INO80: variants seen among roughly 807,000 people sequenced by gnomAD.
The protein encoded by INO80 is chromatin-remodeling ATPase INO80.
A neutral mutation model predicts 203.4 loss-of-function variants in INO80; 20 were observed. That is an observed-to-expected ratio of 0.10 (90% confidence interval 0.07 to 0.14). The LOEUF is 0.14. Among genes scored for constraint, INO80 ranks in the 10% least tolerant of loss-of-function variants. INO80 has a pLI of 1.00. For synonymous variants in INO80, 726 were observed against 685.2 expected (o/e 1.06, Z -0.93); for missense variants, 1,419 against 1,914.4 (o/e 0.74, Z 4.83).
At chr15:41,115,176 C>G (rs563393804) in intron 1 of INO80, among the ~76,000 whole-genome samples, 2 of 152,298 alleles carry the variant, frequency 1.3e-5, no homozygotes, top group East Asian at 1.9e-4. Flanking sequence ...TCCCCCATTT[C>G]TAACAAGTAC....
At chr15:41,027,861 C>T in intron 24 of INO80, 125 bp from the exon 25 acceptor site, 6 of 636,210 alleles carry the variant, frequency 9.4e-6, no homozygotes, top group Non-Finnish European at 1.6e-5. Context: ...ACTATTAATT[C>T]TAATAAACAA....
chr15:41,037,138 AGATT>A, intron 24 of INO80, among the ~76,000 whole-genome samples: 1 of 120,666 alleles, frequency 8.3e-6, no homozygotes, highest in Middle Eastern at 3.8e-3. Context: ...AACTAAAAAT[AGATT>A]GATTTCTCAC....
Position 41,081,090 on chromosome 15 carries a change from A to G in INO80, c.874-17T>C. The stretch of plus-strand genomic sequence containing the variant: ...CTTATTTGCCTAAAATATTTAAAAA[A>G]CAATATTTCATTTAGGATTCATTTT... On this transcript the variant is annotated splice_polypyrimidine_tract_variant and intron_variant, in intron 7 of 35. Coordinates refer to ENST00000648947, the MANE Select transcript of INO80 (RefSeq NM_017553.3). 6.6e-7 allele frequency: 1 copy of G among 1,504,688 alleles called. No individual in the cohort carries two copies. Among genetic ancestry groups the G allele is most frequent in the East Asian group, 2.3e-5 (1 of 44,318 alleles). The allele number at this position is 1,504,688 out of a possible 1,614,324, so 93.2% of individuals were successfully genotyped here. A position where few individuals can be genotyped will look rare whatever the true frequency, so the allele number is the denominator to read the frequency against.
intron 14 of INO80, among the ~76,000 whole-genome samples, chr15:41,060,750 T>A (rs910910294): frequency 6.6e-5 from 10 of 152,108 alleles, no homozygotes; most frequent in African/African-American, 2.4e-4. Flanking sequence ...TCAAGACATC[T>A]GAATTCCAGA....
At chr15:41,066,388 C>T (rs1049313939) in intron 14 of INO80, among the ~76,000 whole-genome samples, 3 of 152,000 alleles carry the variant, frequency 2.0e-5, no homozygotes, top group African/African-American at 7.3e-5. Context: ...AACTTCTGGA[C>T]TCAAGTGATC....
intron 25 of INO80, among the ~76,000 whole-genome samples, chr15:41,023,558 C>T (rs991698994): frequency 6.6e-6 from 1 of 151,914 alleles, no homozygotes; most frequent in African/African-American, 2.4e-5. Context: ...CACCTGAGGT[C>T]AGGAGTTCGA....
chr15:41,069,778 CAGTG>C, intron 13 of INO80, 113 bp from the exon 14 acceptor site: 2 of 634,108 alleles, frequency 3.2e-6, no homozygotes, highest in Non-Finnish European at 5.4e-6. Flanking sequence ...ACAAGAGAAA[CAGTG>C]AGTAAATCCC....
intron 22 of INO80, 50 bp downstream of exon 22, chr15:41,048,162 T>C (rs1177532141): frequency 7.1e-7 from 1 of 1,399,028 alleles, no homozygotes; most frequent in African/African-American, 1.4e-5. Context: ...ACAAAGAGCA[T>C]CCTGGTAAAA....
At chr15:41,067,358 G>A (rs2045239190) in intron 14 of INO80, among the ~76,000 whole-genome samples, 1 of 151,938 alleles carries the variant, frequency 6.6e-6, no homozygotes, top group African/African-American at 2.4e-5. Flanking sequence ...ACAGGCATGA[G>A]CCACCATGCC....
intron 28 of INO80, among the ~76,000 whole-genome samples, chr15:41,003,334 CTTTTT>C (rs71104761): frequency 1.0e-4 from 13 of 126,024 alleles, no homozygotes; most frequent in Non-Finnish European, 1.7e-4. Context: ...CTTTTCTTTT[CTTTTT>C]TTTTTTTTTG....
At chr15:40,987,631 G>GCAT (rs1175576583) in intron 30 of INO80, among the ~76,000 whole-genome samples, 185 bp downstream of exon 30, 1 of 152,184 alleles carries the variant, frequency 6.6e-6, no homozygotes, top group Non-Finnish European at 1.5e-5. Flanking sequence ...AGGGAATGAG[G>GCAT]CATGGCCAGG....
At chr15:41,003,013 G>A (rs1323102351) in intron 28 of INO80, among the ~76,000 whole-genome samples, 2 of 151,934 alleles carry the variant, frequency 1.3e-5, no homozygotes, top group African/African-American at 2.4e-5. Flanking sequence ...CCAGCTACTC[G>A]GGAGGCTGAG....
intron 29 of INO80, among the ~76,000 whole-genome samples, chr15:40,994,413 G>A (rs150570373): frequency 2.8e-4 from 42 of 152,236 alleles, no homozygotes; most frequent in African/African-American, 1.0e-3. Flanking sequence ...ACCCAGGCTG[G>A]AGTACAGTGG....
chr15:41,016,024 G>A (rs763811371), intron 27 of INO80, 64 bp downstream of exon 27: 11 of 1,336,750 alleles, frequency 8.2e-6, no homozygotes, highest in Non-Finnish European at 1.2e-5. Context: ...CATTAGTCAT[G>A]GACATCTGAT....
chr15:41,080,326 A>C (rs762614377), intron 8 of INO80, among the ~76,000 whole-genome samples: 1 of 152,136 alleles, frequency 6.6e-6, no homozygotes, highest in Non-Finnish European at 1.5e-5. Context: ...ATGAGGAAAC[A>C]CAGTTGAATG....
rs565029923 is a variant in INO80, at chr15:41,079,662, A to G, written c.1131+39T>C. On this transcript the variant is annotated intron_variant, in intron 9 of 35. Transcript: ENST00000648947. ...CAAACGAATCTCTTCAAATGGCTGT[A>G]GTAATTAGGGTTTTCAAAATGTTAT... The G allele has an allele frequency of 3.9e-5, 60 of 1,553,230 alleles. 2 individuals carry two copies. The South Asian group carries it at 6.1e-4, about 16-fold the overall frequency.
chr15:41,072,068 A>C lies in INO80; in HGVS notation c.1396-10T>G. 3.3e-6 allele frequency: 1 copy of C among 305,128 alleles called. No individual in the cohort carries two copies. The highest frequency in any genetic ancestry group is 5.2e-6 in the Non-Finnish European group (1 of 192,196). 18.9% of individuals were successfully genotyped at this position (305,128 alleles called of 1,614,324 possible). On this transcript the variant is annotated splice_polypyrimidine_tract_variant and intron_variant, in intron 11 of 35. Coordinates refer to ENST00000648947, the MANE Select transcript of INO80 (RefSeq NM_017553.3). ...CATCAAATGACCTTGTCTGGAAAGTAAAAAAAAAAAAAATTAGAAAAAAAA... is the reference window on the plus strand; with the variant it reads ...CATCAAATGACCTTGTCTGGAAAGTCAAAAAAAAAAAAATTAGAAAAAAAA...
At chr15:41,007,765 C>CAAAAA (rs34661844) in intron 27 of INO80, among the ~76,000 whole-genome samples, 27 of 134,712 alleles carry the variant, frequency 2.0e-4, no homozygotes, top group African/African-American at 3.0e-4. Context: ...TAAATAGCTT[C>CAAAAA]AAAAAAAAAA....
At chr15:41,016,641 G>A (rs948098934) in intron 26 of INO80, among the ~76,000 whole-genome samples, 14 of 152,206 alleles carry the variant, frequency 9.2e-5, no homozygotes, top group African/African-American at 3.1e-4. Flanking sequence ...CATTGAGAAC[G>A]TATCCTACCT....
Sources: allele counts gnomAD v4.1 joint callset (sites outside exome capture counted in the v4.1 genomes callset), GRCh38; gene constraint gnomAD v4.1.1; transcripts MANE v1.5; gene names NCBI Gene and HGNC (gene_info 2026-07-23, HGNC 2026-07-21).